The following MAPT variants were observed in gnomAD, a reference collection of about 807,000 sequenced individuals.
MAPT encodes the protein microtubule associated protein tau.
A neutral mutation model predicts 67.9 loss-of-function variants in MAPT; 34 were observed. That is an observed-to-expected ratio of 0.50 (90% CI 0.38 to 0.67). The LOEUF (loss-of-function observed/expected upper bound fraction) is 0.67. Ranked by LOEUF, MAPT falls within the 30% of genes least tolerant of loss-of-function variation. The pLI is 0.00. For synonymous variants in MAPT, 456 were observed against 464.5 expected, an observed-to-expected ratio of 0.98 and a Z score of 0.23; for missense variants, 881 against 1,115.2, an observed-to-expected ratio of 0.79 and a Z score of 2.99.
At chr17:46,006,244 A>G (rs563695254) in intron 9 of MAPT, among the ~76,000 whole-genome samples, 2 of 152,380 alleles carry the variant, frequency 1.3e-5, no homozygotes, top group East Asian at 3.9e-4. Flanking sequence ...ACACAATGGA[A>G]TACTATTCAG....
intron 1 of MAPT, among the ~76,000 whole-genome samples, chr17:45,919,554 TCCCTACCTTCCCC>T (rs2065502393): frequency 6.6e-6 from 1 of 152,110 alleles, no homozygotes; most frequent in South Asian, 2.1e-4. Context: ...TACCTTCCCC[TCCCTACCTTCCCC>T]CACTGCTGGG....
chr17:45,909,784 A>G (rs1353232343), intron 1 of MAPT, among the ~76,000 whole-genome samples: 3 of 151,186 alleles, frequency 2.0e-5, no homozygotes, highest in East Asian at 3.9e-4. Context: ...GACAGGAGAG[A>G]ATCGCTTGAA....
At chr17:45,981,122 G>T (rs754106770) in intron 4 of MAPT, among the ~76,000 whole-genome samples, 5 of 152,142 alleles carry the variant, frequency 3.3e-5, no homozygotes, top group African/African-American at 1.2e-4. Context: ...CCTTGCCTCC[G>T]ATGGGGTCGG....
chr17:45,989,785 C>A, intron 6 of MAPT, 93 bp from the exon 7 acceptor site: 1 of 1,138,244 alleles, frequency 8.8e-7, no homozygotes, highest in Non-Finnish European at 1.3e-6. Flanking sequence ...CATTACCTGC[C>A]TTATTTATTT....
rs763459583 is a variant in MAPT, at chr17:45,987,045, A to G, written c.1357A>G (p.Met453Val). 5.0e-6 allele frequency: 8 copies of G among 1,613,906 alleles called. No homozygotes were observed. Among genetic ancestry groups the G allele is most frequent in the South Asian group, 2.2e-5 (2 of 91,070 alleles). Reference protein sequence around the residue: ...VSRVPQLKARMVSKSKDGTGS... With the variant: ...VSRVPQLKARVVSKSKDGTGS... Reference sequence around the variant, plus strand: ...CTTATTTTATATTTTATCAGCTCGCATGGTCAGTAAAAGCAAAGACGGGAC... The same window carrying G: ...CTTATTTTATATTTTATCAGCTCGCGTGGTCAGTAAAAGCAAAGACGGGAC... Residue 453 changes from methionine (M) to valine (V), a missense_variant, in exon 6 of 13, where the codon ATG becomes GTG. Met to Val is a conservative substitution (Grantham distance 21, BLOSUM62 1). This residue lies in a region of MAPT where 687 missense variants were observed against 766.1 expected (regional missense o/e 0.90). Transcript: ENST00000262410.
At chr17:45,910,382 C>T (rs539594491) in intron 1 of MAPT, among the ~76,000 whole-genome samples, 3 of 152,140 alleles carry the variant, frequency 2.0e-5, no homozygotes, top group South Asian at 2.1e-4. Flanking sequence ...CCTGGAGTCC[C>T]GTGGCTAATT....
intron 1 of MAPT, among the ~76,000 whole-genome samples, chr17:45,956,596 A>ATTTT (rs2069737113): frequency 3.0e-5 from 1 of 33,274 alleles, no homozygotes; most frequent in African/African-American, 9.6e-5. Flanking sequence ...ATATATATAT[A>ATTTT]TATATTTTTT....
At chr17:45,899,089 C>G (rs1011372104) in intron 1 of MAPT, among the ~76,000 whole-genome samples, 4 of 152,210 alleles carry the variant, frequency 2.6e-5, no homozygotes, top group African/African-American at 9.7e-5. Flanking sequence ...GCCTCACCAG[C>G]TGGGCTGCAG....
In MAPT at chr17:45,999,074, C is replaced by T. The variant is rs1373032393; in HGVS notation, c.1998+2410C>T. On this transcript the variant is annotated intron_variant, in intron 9 of 12. Coordinates refer to ENST00000262410, the MANE Select transcript of MAPT (RefSeq NM_001377265.1). The stretch of plus-strand genomic sequence containing the variant: ...CGTCTGGGGTTCCCCGCCCATGCAC[C>T]TCTGGGGGCCCCTGGGTTCTGCCAT... 4.6e-5 allele frequency among the ~76,000 whole-genome samples: 7 copies of T among 152,304 alleles called. No individual in the cohort carries two copies. The South Asian group carries it at 6.2e-4, about 14-fold the overall frequency.
rs546607985 is a variant in MAPT, at chr17:45,983,469, G to A, written c.890G>A (p.Arg297His). 10 of 1,608,364 alleles carry A rather than the reference G, an allele frequency of 6.2e-6. No homozygotes were observed. The East Asian group carries it at 8.9e-5, about 14-fold the overall frequency. ...AGCAAGGAGGAGGTGGATGAAGACC[G>A]CGACGTCGATGAGTCCTCCCCCCAA... ...PGSKEEVDED[R>H]DVDESSPQDS... The change falls in exon 5 of 13, where the codon CGC becomes CAC. Residue 297 changes from arginine to histidine, a missense_variant. Arg to His is a conservative substitution (Grantham distance 29). Coordinates refer to ENST00000262410, the MANE Select transcript of MAPT (RefSeq NM_001377265.1).
At chr17:45,905,013 T>A (rs867132967) in intron 1 of MAPT, among the ~76,000 whole-genome samples, 3 of 152,130 alleles carry the variant, frequency 2.0e-5, no homozygotes, top group Non-Finnish European at 4.4e-5. Context: ...GGAAGAGTCA[T>A]CAGCCCTCCC....
At chr17:45,934,460 T>C (rs1236701192) in intron 1 of MAPT, among the ~76,000 whole-genome samples, 1 of 152,178 alleles carries the variant, frequency 6.6e-6, no homozygotes. Context: ...TTGTTTATCA[T>C]GTGGGTTTTA....
intron 9 of MAPT, among the ~76,000 whole-genome samples, chr17:45,998,214 G>A (rs1173611305): frequency 1.3e-5 from 2 of 152,292 alleles, no homozygotes; most frequent in East Asian, 3.9e-4. Flanking sequence ...CAGTGCACAT[G>A]GGCACCTTGC....
chr17:45,981,607 T>A (rs1206231502), intron 4 of MAPT, among the ~76,000 whole-genome samples: 1 of 151,966 alleles, frequency 6.6e-6, no homozygotes, highest in African/African-American at 2.4e-5. Flanking sequence ...TTTCGAGGAG[T>A]CTTATGGCAG....
chr17:45,901,783 G>A (rs574432818), intron 1 of MAPT, among the ~76,000 whole-genome samples: 3 of 152,230 alleles, frequency 2.0e-5, no homozygotes, highest in African/African-American at 7.2e-5. Flanking sequence ...GTCTGGATCA[G>A]CCAGTTGAAA....
chr17:45,995,906 C>T lies in MAPT; in HGVS notation c.1733-493C>T, dbSNP rs907251416. Reference sequence around the variant, plus strand: ...CAGGCTTGAGGGCACAGCTGGGTCTCGTCACTGCATCACCCTTATTTAGGA... The same window carrying T: ...CAGGCTTGAGGGCACAGCTGGGTCTTGTCACTGCATCACCCTTATTTAGGA... On this transcript the variant is annotated intron_variant, in intron 8 of 12. Transcript: ENST00000262410. The surrounding 1 kb of genome is among the most constrained non-coding windows in gnomAD (Gnocchi z 4.3). Among the ~76,000 whole-genome samples the T allele has an allele frequency of 2.6e-5, 4 of 152,160 alleles. No homozygotes were observed. The highest frequency in any genetic ancestry group is 4.4e-5 in the Non-Finnish European group (3 of 68,034).
intron 1 of MAPT, among the ~76,000 whole-genome samples, chr17:45,958,215 C>T (rs1268208227): frequency 6.6e-6 from 1 of 151,958 alleles, no homozygotes; most frequent in Non-Finnish European, 1.5e-5. Context: ...CTTTCTATAC[C>T]ATAGAGCAAT....
At chr17:45,930,083 T>C (rs148184044) in intron 1 of MAPT, among the ~76,000 whole-genome samples, 7 of 152,234 alleles carry the variant, frequency 4.6e-5, no homozygotes, top group African/African-American at 1.7e-4. Context: ...TCTGTCCCTA[T>C]AGAATATTTT....
Position 45,983,358 on chromosome 17 carries a change from C to T in MAPT, c.779C>T (p.Pro260Leu). 6.2e-7 allele frequency: 1 copy of T among 1,608,188 alleles called. No homozygotes were observed. Among genetic ancestry groups the T allele is most frequent in the Non-Finnish European group, 8.5e-7 (1 of 1,177,824 alleles). ...GACACAGAGGGCGGCCGCCACGCCC[C>T]TGAGCTGCTCAAGCACCAGCTTCTA... is the stretch of plus-strand genomic sequence containing the variant. ...PEDTEGGRHA[P>L]ELLKHQLLGD... The change falls in exon 5 of 13, where the codon CCT (proline) becomes CTT (leucine). Residue 260 changes from proline to leucine, a missense_variant. Physicochemically the swap from Pro to Leu is moderately conservative, Grantham distance 98. Coordinates refer to ENST00000262410, the MANE Select transcript of MAPT (RefSeq NM_001377265.1).
Sources: gnomAD v4.1 joint callset for allele counts (sites outside exome capture counted in the v4.1 genomes callset) on GRCh38, gnomAD v4.1.1 for gene constraint, gnomAD v4.1.1 regional missense constraint, Gnocchi (gnomAD v3.1) non-coding constraint, MANE v1.5 for transcripts, NCBI Gene and HGNC (gene_info 2026-07-23, HGNC 2026-07-21) for gene names.